OR2L13: variants seen among roughly 807,000 people sequenced by gnomAD.
OR2L13 encodes the protein olfactory receptor family 2 subfamily L member 13, also known as olfactory receptor 2L13.
In OR2L13, 14 loss-of-function variants were observed where a neutral mutation model predicts 15.3. That is an observed-to-expected ratio of 0.91 (90% CI 0.60 to 1.43). The LOEUF is 1.43. OR2L13 is among the 40% of genes most tolerant of loss of function. The pLI is 0.00. For missense variants in OR2L13, 367 were observed against 387.9 expected (o/e 0.95, Z 0.45); for synonymous variants, 152 against 142.9 (o/e 1.06, Z -0.45).
chr1:248,068,748 A>G, the OR2L13 span, among the ~76,000 whole-genome samples: 1 of 152,184 alleles, frequency 6.6e-6, no homozygotes, highest in Admixed American at 6.5e-5. Flanking sequence ...TGAAAGTATA[A>G]CTAGAATAAC....
At chr1:248,089,857 T>C in the OR2L13 span, among the ~76,000 whole-genome samples, 3 of 152,212 alleles carry the variant, frequency 2.0e-5, no homozygotes, top group Non-Finnish European at 1.5e-5. Context: ...TGTTTTCTGC[T>C]GACTCTAATT....
chr1:247,962,000 C>T, the OR2L13 span, among the ~76,000 whole-genome samples: 6 of 152,166 alleles, frequency 3.9e-5, no homozygotes, highest in East Asian at 1.9e-4. Flanking sequence ...AACCTATTTT[C>T]GTTGCTGCTT....
the OR2L13 span, among the ~76,000 whole-genome samples, chr1:248,051,732 A>G: frequency 2.0e-5 from 3 of 152,138 alleles, no homozygotes; most frequent in Non-Finnish European, 4.4e-5. Flanking sequence ...CTGAATAAAA[A>G]AAAATCCAAA....
the OR2L13 span, among the ~76,000 whole-genome samples, chr1:247,993,606 G>A: frequency 0.034 from 5,130 of 151,972 alleles, 243 homozygotes; most frequent in African/African-American, 0.12. Context: ...GGAGATATGG[G>A]ATATGTAAAA....
chr1:247,947,199 T>C, the OR2L13 span, among the ~76,000 whole-genome samples: 2 of 152,368 alleles, frequency 1.3e-5, no homozygotes, highest in South Asian at 4.1e-4. Context: ...ATTTATTTTA[T>C]GGATTTCATA....
At chr1:247,955,516 A>T in the OR2L13 span, among the ~76,000 whole-genome samples, 1 of 152,104 alleles carries the variant, frequency 6.6e-6, no homozygotes, top group Non-Finnish European at 1.5e-5. Context: ...TCCCTGAGGA[A>T]TTGCCACATT....
At chr1:248,073,464 T>G in the OR2L13 span, among the ~76,000 whole-genome samples, 1 of 150,588 alleles carries the variant, frequency 6.6e-6, no homozygotes, top group African/African-American at 2.4e-5. Flanking sequence ...CATCACACTC[T>G]GAGGACTGTT....
chr1:247,993,807 GAGAGAA>G, the OR2L13 span, among the ~76,000 whole-genome samples: 372 of 129,028 alleles, frequency 2.9e-3, 7 homozygotes, highest in African/African-American at 0.012. Flanking sequence ...GAGAGAGAGA[GAGAGAA>G]AGAAAGAGAA....
chr1:247,974,895 A>G, the OR2L13 span: 5 of 247,206 alleles, frequency 2.0e-5, no homozygotes, highest in Non-Finnish European at 4.5e-5. Context: ...CTTCTTGGAC[A>G]CTCATCTCCA....
chr1:247,954,079 C>T, the OR2L13 span, among the ~76,000 whole-genome samples: 2 of 152,020 alleles, frequency 1.3e-5, no homozygotes, highest in Non-Finnish European at 2.9e-5. Flanking sequence ...TATGCTTTTC[C>T]TTCATTAATC....
the OR2L13 span, among the ~76,000 whole-genome samples, chr1:248,010,490 C>A: frequency 6.6e-6 from 1 of 152,090 alleles, no homozygotes; most frequent in Non-Finnish European, 1.5e-5. Context: ...TGTGAATTTT[C>A]TGTCTCATTG....
At chr1:247,982,745 G>C in the OR2L13 span, among the ~76,000 whole-genome samples, 1 of 152,060 alleles carries the variant, frequency 6.6e-6, no homozygotes, top group Non-Finnish European at 1.5e-5. Flanking sequence ...TGAAAGCACA[G>C]TAAAACCAGG....
chr1:248,012,037 A>G, the OR2L13 span, among the ~76,000 whole-genome samples: 1 of 152,204 alleles, frequency 6.6e-6, no homozygotes. Context: ...AGACATTTAA[A>G]AATATAAACC....
At chr1:247,997,039 C>A in the OR2L13 span, 4 of 152,244 alleles carry the variant, frequency 2.6e-5, no homozygotes, top group East Asian at 3.9e-4. Flanking sequence ...TTGATCACAA[C>A]CAGTTACAGG....
At chr1:248,093,169 G>C (rs1664639873), upstream of OR2L13, among the ~76,000 whole-genome samples, 1 of 152,122 alleles carries the variant, frequency 6.6e-6, no homozygotes, top group Non-Finnish European at 1.5e-5. Flanking sequence ...TTTCCCAGAG[G>C]AGTCTAAGAG....
the OR2L13 span, among the ~76,000 whole-genome samples, chr1:247,960,018 G>A: frequency 1.7e-3 from 254 of 152,290 alleles, 1 homozygote; most frequent in African/African-American, 6.0e-3. Flanking sequence ...GAGGCGCTCT[G>A]ATTTTTAGAG....
At chr1:248,040,789 A>G in the OR2L13 span, 116 of 152,274 alleles carry the variant, frequency 7.6e-4, no homozygotes, top group African/African-American at 2.7e-3. Context: ...TGCATATTCT[A>G]CTGCTTGGCG....
the OR2L13 span, among the ~76,000 whole-genome samples, chr1:247,978,064 A>G: frequency 0.039 from 5,886 of 152,154 alleles, 345 homozygotes; most frequent in African/African-American, 0.13. Context: ...GGGACTTAGG[A>G]AAATTTTGTG....
At chr1:247,947,343 C>T in the OR2L13 span, among the ~76,000 whole-genome samples, 1 of 152,172 alleles carries the variant, frequency 6.6e-6, no homozygotes, top group Admixed American at 6.6e-5. Context: ...TGTGTTTGCA[C>T]ACTGGGAATC....
Sources: allele counts gnomAD v4.1 joint callset (sites outside exome capture counted in the v4.1 genomes callset), GRCh38; gene constraint gnomAD v4.1.1; transcripts MANE v1.5; gene names NCBI Gene and HGNC (gene_info 2026-07-23, HGNC 2026-07-21).